The following PDE4D variants were observed in gnomAD, a reference collection of about 807,000 sequenced individuals.
PDE4D encodes 3',5'-cyclic-AMP phosphodiesterase 4D.
PDE4D carries 24 observed loss-of-function variants against 87.4 expected under a neutral mutation model. The observed-to-expected ratio is 0.27, with a 90% CI of 0.20 to 0.39. The LOEUF is 0.39. Ranked by LOEUF, PDE4D falls within the 10% of genes least tolerant of loss-of-function variation. The pLI is 1.00. For missense variants in PDE4D, 714 were observed against 1,041.0 expected (o/e 0.69, Z 4.32); for synonymous variants, 384 against 383.2 (o/e 1.00, Z -0.02).
At position 58,975,681 on chromosome 5, in the gene PDE4D, G is replaced by C; in HGVS notation, c.1989C>G (p.His663Gln). 2 of 1,609,550 alleles carry C rather than the reference G, an allele frequency of 1.2e-6. No homozygotes were observed. The highest frequency in any genetic ancestry group is 1.7e-6 in the Non-Finnish European group (2 of 1,177,856). Reference protein sequence around the residue: ...GMEISPMCDKHNASVEKSQVG... With the variant: ...GMEISPMCDKQNASVEKSQVG... The stretch of plus-strand genomic sequence containing the variant: ...CCTGTGATTTTTCCACGGAAGCATT[G>C]TGCTTGTCACACATGGGGCTTATCT... Residue 663 changes from histidine to glutamine, a missense_variant, in exon 14 of 15, where the codon CAC becomes CAG. Around this residue, in one of 7 missense-constraint regions of PDE4D, gnomAD observed 97 missense variants for 176.9 expected, o/e 0.55. Coordinates refer to ENST00000340635, the MANE Select transcript of PDE4D (RefSeq NM_001104631.2). The surrounding 1 kb of genome is among the most constrained non-coding windows in gnomAD (Gnocchi z 4.2).
chr5:60,097,288 T>TGTGTGTGTGTGTGTGTGTGTG (rs1562088754), intron 2 of PDE4D, among the ~76,000 whole-genome samples: 5 of 151,680 alleles, frequency 3.3e-5, no homozygotes, highest in East Asian at 1.9e-4. Flanking sequence ...TGTGTGTGTG[T>TGTGTGTGTGTGTGTGTGTGTG]TTAACAAATA....
chr5:59,296,618 TA>T (rs1769151752), intron 1 of PDE4D, among the ~76,000 whole-genome samples: 2 of 152,272 alleles, frequency 1.3e-5, no homozygotes, highest in African/African-American at 2.4e-5. Context: ...TTGTTACAAA[TA>T]AGGAATAATT....
intron 2 of PDE4D, among the ~76,000 whole-genome samples, chr5:59,200,085 A>G (rs1349467677): frequency 6.9e-6 from 1 of 145,418 alleles, no homozygotes; most frequent in Non-Finnish European, 1.5e-5. Context: ...GCACACATAC[A>G]TGTATGTAGA....
intron 1 of PDE4D, among the ~76,000 whole-genome samples, chr5:60,365,862 G>A (rs1006374762): frequency 1.3e-5 from 2 of 151,986 alleles, no homozygotes; most frequent in African/African-American, 4.8e-5. Flanking sequence ...TGGCCAACAT[G>A]GTGAAACCCC....
At chr5:59,890,152 G>A (rs1750739780) in intron 1 of PDE4D, among the ~76,000 whole-genome samples, 2 of 151,584 alleles carry the variant, frequency 1.3e-5, no homozygotes, top group African/African-American at 4.9e-5. Flanking sequence ...TAATCCATAG[G>A]GAATCATTCA....
At chr5:60,184,364 CA>C (rs2149507814) in intron 2 of PDE4D, among the ~76,000 whole-genome samples, 1 of 152,166 alleles carries the variant, frequency 6.6e-6, no homozygotes, top group Admixed American at 6.5e-5. Flanking sequence ...GATGTGTTTG[CA>C]GTTTGGTAGT....
chr5:60,227,655 G>C (rs1011586119), intron 1 of PDE4D, among the ~76,000 whole-genome samples: 1 of 151,088 alleles, frequency 6.6e-6, no homozygotes, highest in Non-Finnish European at 1.5e-5. Context: ...AGGAACGAAG[G>C]AAAGAAGGAA....
intron 1 of PDE4D, among the ~76,000 whole-genome samples, chr5:59,240,941 G>A (rs1033872886): frequency 1.3e-5 from 2 of 151,978 alleles, no homozygotes; most frequent in African/African-American, 4.8e-5. Context: ...AAGTCATTTA[G>A]TCTCTTTAAA....
At chr5:60,160,834 A>G (rs901356459) in intron 2 of PDE4D, 4 of 452,904 alleles carry the variant, frequency 8.8e-6, no homozygotes, top group African/African-American at 8.0e-5. Context: ...GTGGAAATTG[A>G]CAAATGAAAA....
chr5:60,025,163 C>T (rs1337391502), intron 2 of PDE4D, among the ~76,000 whole-genome samples: 1 of 152,146 alleles, frequency 6.6e-6, no homozygotes, highest in Non-Finnish European at 1.5e-5. Context: ...AATGATGTAA[C>T]TACTTTATTA....
At chr5:59,909,881 C>T (rs928715190) in intron 3 of PDE4D, among the ~76,000 whole-genome samples, 2 of 152,128 alleles carry the variant, frequency 1.3e-5, no homozygotes, top group African/African-American at 4.8e-5. Context: ...AAATAAAGGA[C>T]CCACATAAAA....
chr5:60,401,622 T>C (rs1042566887), intron 1 of PDE4D, among the ~76,000 whole-genome samples: 1 of 152,230 alleles, frequency 6.6e-6, no homozygotes, highest in African/African-American at 2.4e-5. Flanking sequence ...ATCAGCACTC[T>C]GTGGCATCTC....
At chr5:59,893,147 G>T (rs955633424) in intron 1 of PDE4D, 21 bp downstream of exon 1, 3 of 1,547,028 alleles carry the variant, frequency 1.9e-6, no homozygotes, top group Non-Finnish European at 2.6e-6. Context: ...CTGAATGGGG[G>T]AGGGGGCGCT....
intron 1 of PDE4D, among the ~76,000 whole-genome samples, chr5:59,321,863 C>T (rs1049942029): frequency 3.3e-5 from 5 of 152,080 alleles, no homozygotes; most frequent in African/African-American, 2.4e-5. Context: ...TACACGCATG[C>T]GCACTTGTGC....
intron 1 of PDE4D, among the ~76,000 whole-genome samples, chr5:59,459,418 C>A (rs1800418521): frequency 6.6e-6 from 1 of 152,138 alleles, no homozygotes; most frequent in African/African-American, 2.4e-5. Context: ...GGCTTCAAAT[C>A]CAGTGGTTGT....
rs298065 is a variant in PDE4D at position 59,675,939 on chromosome 5, A to T, written c.455+217229T>A. 5.9e-3 allele frequency among the ~76,000 whole-genome samples: 897 copies of T among 152,032 alleles called. 10 individuals are homozygous for T. Among genetic ancestry groups the T allele is most frequent in the Non-Finnish European group, 8.9e-3 (603 of 67,988 alleles). On this transcript the variant is annotated intron_variant, in intron 1 of 14. Transcript: ENST00000340635. ...AATCCTGGGCTCCAATTATCCTTCC[A>T]CCTCAGCCGCCCAAAGTGCTGGGAT... is the stretch of plus-strand genomic sequence containing the variant.
At chr5:59,830,886 A>G (rs1741094285) in intron 1 of PDE4D, among the ~76,000 whole-genome samples, 1 of 152,118 alleles carries the variant, frequency 6.6e-6, no homozygotes, top group Non-Finnish European at 1.5e-5. Flanking sequence ...CCTTCAAAAT[A>G]AAATTGTGTT....
At chr5:59,932,986 C>G (rs185070389) in intron 3 of PDE4D, among the ~76,000 whole-genome samples, 43 of 151,292 alleles carry the variant, frequency 2.8e-4, no homozygotes, top group African/African-American at 1.0e-3. Context: ...GGGGCAGCAA[C>G]AGGCTTCTGG....
chr5:60,059,064 G>GTGTGTC (rs1771112564), intron 2 of PDE4D, among the ~76,000 whole-genome samples: 1 of 151,446 alleles, frequency 6.6e-6, no homozygotes, highest in Non-Finnish European at 1.5e-5. Flanking sequence ...GTGTGTGTGT[G>GTGTGTC]TGTGTGTGTC....
Sources: gnomAD v4.1 joint callset for allele counts (sites outside exome capture counted in the v4.1 genomes callset) on GRCh38, gnomAD v4.1.1 for gene constraint, gnomAD v4.1.1 regional missense constraint, Gnocchi (gnomAD v3.1) non-coding constraint, MANE v1.5 for transcripts, NCBI Gene and HGNC (gene_info 2026-07-23, HGNC 2026-07-21) for gene names.